PTPRT: variants seen among roughly 807,000 people sequenced by gnomAD.
PTPRT encodes receptor-type tyrosine-protein phosphatase T.
Under a neutral mutation model 176.8 loss-of-function variants are expected in PTPRT, and 56 were observed. The ratio of observed to expected loss-of-function variants is 0.32; its 90% CI spans 0.26 to 0.40. PTPRT has a LOEUF of 0.40. Ranked by LOEUF, PTPRT falls within the 10% of genes least tolerant of loss-of-function variation. The probability of loss-of-function intolerance (pLI) is 1.00; values close to 1 mark genes in which losing one functional copy is unlikely to be tolerated. For synonymous variants in PTPRT, 783 were observed against 739.0 expected (o/e 1.06, Z -0.96); for missense variants, 1,540 against 1,908.2 (o/e 0.81, Z 3.60).
At chr20:42,951,904 T>C (rs1981276301) in intron 1 of PTPRT, among the ~76,000 whole-genome samples, 1 of 151,920 alleles carries the variant, frequency 6.6e-6, no homozygotes, top group Non-Finnish European at 1.5e-5. Flanking sequence ...GAGGAATAAA[T>C]GAGATGAAGT....
intron 11 of PTPRT, among the ~76,000 whole-genome samples, chr20:42,347,532 C>T (rs1445688191): frequency 2.0e-5 from 3 of 152,310 alleles, no homozygotes; most frequent in East Asian, 3.9e-4. Context: ...AAGCCGAGCA[C>T]ACCAGATGCA....
intron 2 of PTPRT, among the ~76,000 whole-genome samples, chr20:42,861,998 T>G (rs1007636908): frequency 6.6e-5 from 10 of 152,166 alleles, no homozygotes; most frequent in African/African-American, 2.4e-4. Context: ...CATTTATACT[T>G]TTAAATTTTC....
At chr20:42,236,524 T>C (rs2056246132) in intron 14 of PTPRT, among the ~76,000 whole-genome samples, 1 of 152,102 alleles carries the variant, frequency 6.6e-6, no homozygotes, top group South Asian at 2.1e-4. Context: ...CCATGTTTCA[T>C]GTTGGCTGTT....
At chr20:42,748,830 C>T (rs915755765) in intron 6 of PTPRT, among the ~76,000 whole-genome samples, 1 of 152,016 alleles carries the variant, frequency 6.6e-6, no homozygotes, top group African/African-American at 2.4e-5. Flanking sequence ...CTCCACACCC[C>T]AGGGGTTCTA....
At chr20:42,654,442 G>A (rs183217658) in intron 7 of PTPRT, among the ~76,000 whole-genome samples, 2 of 152,264 alleles carry the variant, frequency 1.3e-5, no homozygotes, top group Non-Finnish European at 2.9e-5. Flanking sequence ...GGCCACAAAT[G>A]AGAACATCCC....
rs1986254638 is a variant in PTPRT at position 42,104,613 on chromosome 20, G to C, written c.3496C>G (p.Leu1166Val). The change falls in exon 25 of 31, where the codon CTG becomes GTG. Residue 1166 changes from leucine (L) to valine (V), a missense_variant. Coordinates refer to ENST00000373187, the MANE Select transcript of PTPRT (RefSeq NM_007050.6). Reference sequence around the variant, plus strand: ...TGGCTGGAGTTTGTCTGGGGGTCCAGCCTGCTGATATTGTAGTAGAGAGAA... The same window carrying C: ...TGGCTGGAGTTTGTCTGGGGGTCCACCCTGCTGATATTGTAGTAGAGAGAA... ...FRSLYYNISRLDPQTNSSQIK... is the reference protein window; with the variant it reads ...FRSLYYNISRVDPQTNSSQIK... 1.2e-6 allele frequency: 2 copies of C among 1,612,298 alleles called. No homozygotes were observed. The highest frequency in any genetic ancestry group is 1.7e-6 in the Non-Finnish European group (2 of 1,178,464).
intron 12 of PTPRT, among the ~76,000 whole-genome samples, chr20:42,284,115 A>T (rs1415812620): frequency 6.6e-6 from 1 of 152,086 alleles, no homozygotes; most frequent in Non-Finnish European, 1.5e-5. Flanking sequence ...TCATTCTAGG[A>T]CAAACTCCAC....
intron 7 of PTPRT, among the ~76,000 whole-genome samples, chr20:42,520,589 G>T (rs2072153780): frequency 6.6e-6 from 1 of 151,940 alleles, no homozygotes; most frequent in Admixed American, 6.6e-5. Context: ...CAATTTATTT[G>T]TTAAAATACA....
At chr20:42,810,538 A>C (rs1036651874) in intron 2 of PTPRT, among the ~76,000 whole-genome samples, 2 of 152,208 alleles carry the variant, frequency 1.3e-5, no homozygotes, top group African/African-American at 4.8e-5. Context: ...CTCAGTTTGC[A>C]TTTAGGATTG....
chr20:42,078,579 G>A lies in PTPRT; in HGVS notation c.*2300C>T. 1 of 188,424 alleles carries A rather than the reference G, an allele frequency of 5.3e-6. No homozygotes were observed. The highest frequency in any genetic ancestry group is 8.4e-5 in the East Asian group (1 of 11,846). The allele number at this position is 188,424 out of a possible 1,614,324, so 11.7% of individuals were successfully genotyped here. A position where few individuals can be genotyped will look rare whatever the true frequency, so the allele number is the denominator to read the frequency against. ...GCCCAGAAGGAGTCTTGGCCAACAC[G>A]AAGCTGAGTGCATCTCTCTAAAGCT... On this transcript the variant is annotated 3_prime_UTR_variant, in exon 31 of 31. Coordinates refer to ENST00000373187, the MANE Select transcript of PTPRT (RefSeq NM_007050.6).
intron 8 of PTPRT, among the ~76,000 whole-genome samples, chr20:42,457,452 C>T (rs2070943392): frequency 4.6e-5 from 7 of 152,100 alleles, no homozygotes. Context: ...TTACTTTGCA[C>T]TATCAGATTT....
intron 7 of PTPRT, among the ~76,000 whole-genome samples, chr20:42,480,388 A>C (rs1732080875): frequency 6.6e-6 from 1 of 152,098 alleles, no homozygotes; most frequent in African/African-American, 2.4e-5. Context: ...GTTTCTGTGG[A>C]TCTCTGACCT....
intron 9 of PTPRT, among the ~76,000 whole-genome samples, chr20:42,433,678 T>C (rs1025387503): frequency 6.6e-6 from 1 of 152,208 alleles, no homozygotes; most frequent in Non-Finnish European, 1.5e-5. Context: ...CCACCACTTC[T>C]AACCTCGAGT....
At chr20:43,116,229 C>T (rs933719323) in intron 1 of PTPRT, among the ~76,000 whole-genome samples, 5 of 152,206 alleles carry the variant, frequency 3.3e-5, no homozygotes, top group African/African-American at 2.4e-5. Context: ...TCATGAGTCT[C>T]AAATGCCGCA....
At chr20:42,447,346 T>G (rs1434315913) in intron 9 of PTPRT, among the ~76,000 whole-genome samples, 2 of 152,042 alleles carry the variant, frequency 1.3e-5, no homozygotes, top group African/African-American at 4.8e-5. Flanking sequence ...AGAGGAGGAA[T>G]CTACCAAAGG....
chr20:42,664,118 T>C (rs1471218474), intron 7 of PTPRT, among the ~76,000 whole-genome samples: 1 of 152,236 alleles, frequency 6.6e-6, no homozygotes, highest in Non-Finnish European at 1.5e-5. Context: ...ATATGATAGA[T>C]AAAATGCATT....
Position 42,447,328 on chromosome 20 carries a change from G to A in PTPRT, c.1560+892C>T, listed in dbSNP as rs540828154. Among the ~76,000 whole-genome samples, 4 of 152,182 alleles carry A rather than the reference G, an allele frequency of 2.6e-5. No homozygotes were observed. In the East Asian group the frequency reaches 7.8e-4, roughly 30 times the overall value. ...TTATTTTACAGGTGAGAAAAATGAG[G>A]CTTAAAGAGAGGAGGAATCTACCAA... On this transcript the variant is annotated intron_variant, in intron 9 of 30. Coordinates refer to ENST00000373187, the MANE Select transcript of PTPRT (RefSeq NM_007050.6).
chr20:42,905,319 C>T (rs923988708), intron 1 of PTPRT, among the ~76,000 whole-genome samples: 1 of 152,184 alleles, frequency 6.6e-6, no homozygotes, highest in Non-Finnish European at 1.5e-5. Context: ...TGAAAAAATG[C>T]TCATCATCAC....
chr20:42,682,106 A>G (rs2075613860), intron 6 of PTPRT, among the ~76,000 whole-genome samples: 2 of 152,222 alleles, frequency 1.3e-5, no homozygotes, highest in African/African-American at 4.8e-5. Flanking sequence ...GGGTAATTAA[A>G]TAACAGAAAT....
Sources: gnomAD v4.1 joint callset for allele counts (sites outside exome capture counted in the v4.1 genomes callset) on GRCh38, gnomAD v4.1.1 for gene constraint, MANE v1.5 for transcripts, NCBI Gene and HGNC (gene_info 2026-07-23, HGNC 2026-07-21) for gene names.